The following DAP variants were observed in gnomAD, a reference collection of about 807,000 sequenced individuals.
The protein encoded by DAP is death associated protein, also known as death-associated protein 1.
Under a neutral mutation model 13.8 loss-of-function variants are expected in DAP, and 8 were observed. That is an observed-to-expected ratio of 0.58 (90% CI 0.34 to 1.05). DAP has a LOEUF of 1.05. DAP is among the 50% of genes least tolerant of loss of function. The pLI, the probability that DAP is intolerant of heterozygous loss-of-function variation, is 0.03. For synonymous variants in DAP, 47 were observed against 47.5 expected, an observed-to-expected ratio of 0.99 and a Z score of 0.04; for missense variants, 106 against 133.2, an observed-to-expected ratio of 0.80 and a Z score of 1.01.
At chr5:10,729,062 GT>G (rs1739370339) in intron 2 of DAP, among the ~76,000 whole-genome samples, 1 of 151,978 alleles carries the variant, frequency 6.6e-6, no homozygotes, top group Admixed American at 6.6e-5. Context: ...AATTGTCCTA[GT>G]TTTTTTCTCA....
At chr5:10,715,446 G>A (rs1055825351) in intron 2 of DAP, among the ~76,000 whole-genome samples, 1 of 152,168 alleles carries the variant, frequency 6.6e-6, no homozygotes, top group Non-Finnish European at 1.5e-5. Flanking sequence ...CACCCTTGGG[G>A]ACATGGAGTA....
intron 2 of DAP, among the ~76,000 whole-genome samples, chr5:10,729,564 G>A (rs1221576573): frequency 6.6e-6 from 1 of 152,184 alleles, no homozygotes; most frequent in East Asian, 1.9e-4. Flanking sequence ...CTAGTTAGAG[G>A]TTTTGTCAAA....
At chr5:10,697,781 TGA>T (rs1355924034) in intron 2 of DAP, among the ~76,000 whole-genome samples, 1 of 152,220 alleles carries the variant, frequency 6.6e-6, no homozygotes, top group Non-Finnish European at 1.5e-5. Context: ...TCATCTGGTC[TGA>T]GTCTACTTCC....
chr5:10,693,489 C>T (rs1738357886), intron 2 of DAP, among the ~76,000 whole-genome samples: 1 of 152,144 alleles, frequency 6.6e-6, no homozygotes, highest in Admixed American at 6.5e-5. Flanking sequence ...TACTATGGAC[C>T]AGGTGCTGAG....
At position 10,680,871 on chromosome 5, in the gene DAP, C is replaced by G; in HGVS notation, c.*185G>C. 6.5e-7 allele frequency: 1 copy of G among 1,536,994 alleles called. No individual in the cohort carries two copies. Among genetic ancestry groups the G allele is most frequent in the East Asian group, 2.4e-5 (1 of 41,060 alleles). ...GACATCCAACCAGACTCCCCATAAA[C>G]AAGGTTTGGGCTGGAGCTGTTTCTA... On this transcript the variant is annotated 3_prime_UTR_variant, in exon 4 of 4. Coordinates refer to ENST00000230895, the MANE Select transcript of DAP (RefSeq NM_004394.3).
chr5:10,723,725 T>C (rs987553931), intron 2 of DAP, among the ~76,000 whole-genome samples: 1 of 152,226 alleles, frequency 6.6e-6, no homozygotes, highest in Admixed American at 6.5e-5. Flanking sequence ...AGCAAAAGAA[T>C]GTGTGAAACC....
At chr5:10,733,474 C>T (rs780694015) in intron 2 of DAP, among the ~76,000 whole-genome samples, 4 of 152,142 alleles carry the variant, frequency 2.6e-5, no homozygotes, top group Admixed American at 6.5e-5. Context: ...GACATCTCAC[C>T]TCTCAAGGCC....
intron 2 of DAP, among the ~76,000 whole-genome samples, chr5:10,696,460 G>A (rs1331211374): frequency 6.6e-6 from 1 of 152,184 alleles, no homozygotes; most frequent in Non-Finnish European, 1.5e-5. Context: ...TGAGGGCTTG[G>A]GCTTAGGAAA....
chr5:10,717,885 A>G (rs1739033528), intron 2 of DAP, among the ~76,000 whole-genome samples: 1 of 152,242 alleles, frequency 6.6e-6, no homozygotes, highest in Non-Finnish European at 1.5e-5. Context: ...CTTAATTTAT[A>G]CAAGCGGAAA....
intron 1 of DAP, among the ~76,000 whole-genome samples, chr5:10,760,286 A>G (rs1740308280): frequency 6.6e-6 from 1 of 152,202 alleles, no homozygotes; most frequent in Admixed American, 6.5e-5. Flanking sequence ...AAAGGAGAGT[A>G]GAAACGGAAA....
chr5:10,719,892 C>T (rs1273468434), intron 2 of DAP, among the ~76,000 whole-genome samples: 1 of 152,214 alleles, frequency 6.6e-6, no homozygotes, highest in Non-Finnish European at 1.5e-5. Context: ...TATGCAGGCA[C>T]CACCCAAAAG....
At chr5:10,681,814 A>G (rs1357347418) in intron 3 of DAP, among the ~76,000 whole-genome samples, 7 of 113,722 alleles carry the variant, frequency 6.2e-5, no homozygotes, top group Admixed American at 9.1e-5. Context: ...GCGGTTGTAT[A>G]AGAGGAAGCT....
Position 10,683,561 on chromosome 5 carries a change from G to GTTTAT in DAP, c.162_163insATAAA (p.Pro55IlefsTer167). 1 of 1,614,046 alleles carries GTTTAT rather than the reference G, an allele frequency of 6.2e-7. No homozygotes were observed. The highest frequency in any genetic ancestry group is 8.5e-7 in the Non-Finnish European group (1 of 1,179,994). On this transcript the variant is annotated frameshift_variant, in exon 3 of 4. Transcript: ENST00000230895. LOFTEE classifies it high-confidence loss of function. ...ATGACCCCAGAGATGAACACAGTGGGTTTAGGTGGACTGGAAAAAAAGAAG... is the reference window on the plus strand; with the variant it reads ...ATGACCCCAGAGATGAACACAGTGGGTTTATTTTAGGTGGACTGGAAAAAAAGAAG...
intron 2 of DAP, among the ~76,000 whole-genome samples, chr5:10,715,678 T>A (rs184209558): frequency 6.6e-6 from 1 of 151,746 alleles, no homozygotes; most frequent in Non-Finnish European, 1.5e-5. Flanking sequence ...AGTGAGTGAG[T>A]TAACTAAGGT....
intron 2 of DAP, among the ~76,000 whole-genome samples, chr5:10,724,971 C>T (rs536429087): frequency 1.3e-5 from 2 of 152,184 alleles, no homozygotes; most frequent in East Asian, 1.9e-4. Flanking sequence ...CTTCCTCCCC[C>T]CTCTCCCCTT....
chr5:10,698,099 G>C (rs937338438), intron 2 of DAP, among the ~76,000 whole-genome samples: 2 of 151,938 alleles, frequency 1.3e-5, no homozygotes, highest in African/African-American at 4.8e-5. Flanking sequence ...CACAGCAAGG[G>C]AGGGAGTTGG....
intron 2 of DAP, among the ~76,000 whole-genome samples, chr5:10,736,874 A>G (rs1739624809): frequency 6.6e-6 from 1 of 152,228 alleles, no homozygotes; most frequent in Non-Finnish European, 1.5e-5. Flanking sequence ...CTCTCAGTCC[A>G]TAAGCAGTGA....
chr5:10,746,482 A>G (rs1010495377), intron 2 of DAP, among the ~76,000 whole-genome samples: 2 of 151,992 alleles, frequency 1.3e-5, no homozygotes, highest in African/African-American at 4.8e-5. Flanking sequence ...GGCACATGCC[A>G]CCACACCTGA....
At chr5:10,686,093 G>A (rs1015036536) in intron 2 of DAP, among the ~76,000 whole-genome samples, 6 of 152,178 alleles carry the variant, frequency 3.9e-5, no homozygotes, top group African/African-American at 1.4e-4. Context: ...TGTGGTCATT[G>A]ATCTTTGATG....
Sources: allele counts gnomAD v4.1 joint callset (sites outside exome capture counted in the v4.1 genomes callset), GRCh38; gene constraint gnomAD v4.1.1; transcripts MANE v1.5; gene names NCBI Gene and HGNC (gene_info 2026-07-23, HGNC 2026-07-21).